SYTL1: variants seen among roughly 807,000 people sequenced by gnomAD.
The protein encoded by SYTL1 is synaptotagmin-like protein 1.
SYTL1 carries 53 observed loss-of-function variants against 74.6 expected under a neutral mutation model. The ratio of observed to expected loss-of-function variants is 0.71; its 90% confidence interval spans 0.57 to 0.89. The LOEUF (loss-of-function observed/expected upper bound fraction) is 0.89, where lower values mean the gene tolerates loss of function less well. Ranked by LOEUF, SYTL1 falls within the 40% of genes least tolerant of loss-of-function variation. The pLI, the probability that SYTL1 is intolerant of heterozygous loss-of-function variation, is 0.00. For synonymous variants in SYTL1, 329 were observed against 324.9 expected, an observed-to-expected ratio of 1.01 and a Z score of -0.14; for missense variants, 728 against 768.7, an observed-to-expected ratio of 0.95 and a Z score of 0.63.
Position 27,351,308 on chromosome 1 carries a change from C to T in SYTL1, c.1215C>T (p.Ser405=). ...DLPSRGLLAL[S]LKYVPAGSEG... ...CGAGCCGCGGGTTACTCGCCCTGTCCCTCAAGTACGTCCCCGCCGGCTCCG... is the reference window on the plus strand; with the variant it reads ...CGAGCCGCGGGTTACTCGCCCTGTCTCTCAAGTACGTCCCCGCCGGCTCCG... Residue 405 remains serine, a synonymous_variant, in exon 12 of 15, where the codon TCC becomes TCT. Transcript: ENST00000616558. The surrounding 1 kb of genome is among the most constrained non-coding windows in gnomAD (Gnocchi z 5.0). 1.3e-6 allele frequency: 2 copies of T among 1,563,016 alleles called. No homozygotes were observed. The highest frequency in any genetic ancestry group is 1.7e-6 in the Non-Finnish European group (2 of 1,154,172).
intron 14 of SYTL1, 22 bp downstream of exon 14, chr1:27,353,510 G>T: frequency 6.3e-7 from 1 of 1,582,232 alleles, no homozygotes; most frequent in East Asian, 2.3e-5. Flanking sequence ...AGCACCCTGA[G>T]ACAGGCCCTG....
chr1:27,350,103 GGCCGCCGCCCGGC>G lies in SYTL1; in HGVS notation c.888_900del (p.Arg298ThrfsTer20). On this transcript the variant is annotated frameshift_variant, in exon 9 of 15. Transcript: ENST00000616558. LOFTEE classifies it high-confidence loss of function. The surrounding 1 kb of genome is among the most constrained non-coding windows in gnomAD (Gnocchi z 6.3). ...TGCACGTGATCCAGTGCCAGGGCCT[GGCCGCCGCCCGGC>G]GCCGCCGCTCGGACCCGTGAGTGCC... 2.8e-6 allele frequency: 4 copies of G among 1,407,426 alleles called. No individual in the cohort carries two copies. The highest frequency in any genetic ancestry group is 3.7e-6 in the Non-Finnish European group (4 of 1,087,184). The allele number at this position is 1,407,426 out of a possible 1,614,324, so 87.2% of individuals were successfully genotyped here.
Position 27,353,880 on chromosome 1 carries a change from C to T in SYTL1, c.*28C>T. On this transcript the variant is annotated 3_prime_UTR_variant, in exon 15 of 15. Coordinates refer to ENST00000616558, the MANE Select transcript of SYTL1 (RefSeq NM_001193308.2). ...CCACCAAGCCTCTCTCTCTGGACCC[C>T]CATCTCAGGGCCTGCCCTTGGCTAA... The T allele has an allele frequency of 1.2e-6, 2 of 1,602,960 alleles. No homozygotes were observed. Among genetic ancestry groups the T allele is most frequent in the East Asian group, 4.5e-5 (2 of 44,694 alleles).
At position 27,350,942 on chromosome 1, in the gene SYTL1, T is replaced by G; in HGVS notation, c.1154T>G (p.Leu385Arg). ...DWGSEPTWLP[L>R]QPRVPPSPDD... ...GGCTCTGAGCCCACCTGGCTCCCCC[T>G]GCAGCCCCGGGTGAGGCAGCCAGGC... The change falls in exon 11 of 15, where the codon CTG (leucine) becomes CGG (arginine). Residue 385 changes from leucine to arginine, a missense_variant. Physicochemically the swap from Leu to Arg is moderately radical, Grantham distance 102. Transcript: ENST00000616558. This position sits in a 1 kb window ranked among gnomAD's most constrained non-coding sequence, Gnocchi z 6.3. 6.2e-7 allele frequency: 1 copy of G among 1,612,938 alleles called. No homozygotes were observed. Among genetic ancestry groups the G allele is most frequent in the East Asian group, 2.2e-5 (1 of 44,826 alleles).
Position 27,350,491 on chromosome 1 carries a change from G to A in SYTL1, c.1005+6G>A. On this transcript the variant is annotated splice_donor_region_variant and intron_variant, in intron 10 of 14. Transcript: ENST00000616558. This position sits in a 1 kb window ranked among gnomAD's most constrained non-coding sequence, Gnocchi z 6.3. ...TTTTCAACGAGACTCTCCGGGTGAG[G>A]CTGTGACCACGATGCGGTTCCCCGT... The A allele has an allele frequency of 6.2e-7, 1 of 1,609,470 alleles. No homozygotes were observed. The highest frequency in any genetic ancestry group is 1.1e-5 in the South Asian group (1 of 91,004).
rs1353132168 is a variant in SYTL1, at chr1:27,351,431, G to C, written c.1244-25G>C. The C allele has an allele frequency of 2.7e-6, 4 of 1,508,114 alleles. No individual in the cohort carries two copies. The highest frequency in any genetic ancestry group is 1.7e-4 in the Middle Eastern group (1 of 5,744). 93.4% of individuals were successfully genotyped at this position (1,508,114 alleles called of 1,614,324 possible). ...GGGGCGGTGGACTCCATCCGTGTGC[G>C]GGCCTGAGCCGAGCCTCTCCGCAGG... On this transcript the variant is annotated intron_variant, in intron 12 of 14. Coordinates refer to ENST00000616558, the MANE Select transcript of SYTL1 (RefSeq NM_001193308.2). The surrounding 1 kb of genome is among the most constrained non-coding windows in gnomAD (Gnocchi z 5.0).
At chr1:27,352,328 C>T (rs1465925840) in intron 13 of SYTL1, 1 of 151,608 alleles carries the variant, frequency 6.6e-6, no homozygotes, top group Non-Finnish European at 1.5e-5. Flanking sequence ...CAGAGCGAGA[C>T]TCGATCTCAA....
In SYTL1 at chr1:27,351,593, G is replaced by A; in HGVS notation, c.1343+38G>A. The A allele has an allele frequency of 7.3e-7, 1 of 1,370,606 alleles. No homozygotes were observed. The highest frequency in any genetic ancestry group is 9.9e-7 in the Non-Finnish European group (1 of 1,010,414). The allele number at this position is 1,370,606 out of a possible 1,614,324, so 84.9% of individuals were successfully genotyped here. A position where few individuals can be genotyped will look rare whatever the true frequency, so the allele number is the denominator to read the frequency against. ...GGCCCTCCGGGCTTCCCATTCTTTT[G>A]CCTGCAGTGGAGTGCCCAACCTCCA... On this transcript the variant is annotated intron_variant, in intron 13 of 14. Coordinates refer to ENST00000616558, the MANE Select transcript of SYTL1 (RefSeq NM_001193308.2). This position sits in a 1 kb window ranked among gnomAD's most constrained non-coding sequence, Gnocchi z 5.0.
Position 27,347,948 on chromosome 1 carries a change from G to T in SYTL1, c.414-19G>T. 6.2e-7 allele frequency: 1 copy of T among 1,614,110 alleles called. No homozygotes were observed. The highest frequency in any genetic ancestry group is 8.5e-7 in the Non-Finnish European group (1 of 1,179,964). ...CACCAGGGTCCCTCCCTCTGAGAGC[G>T]TCCTCTCCCTACTCCTAGGCTCACC... On this transcript the variant is annotated intron_variant, in intron 4 of 14. Transcript: ENST00000616558. The surrounding 1 kb of genome is among the most constrained non-coding windows in gnomAD (Gnocchi z 4.9).
Position 27,351,423 on chromosome 1 carries a change from C to T in SYTL1, c.1244-33C>T. 1 of 1,507,520 alleles carries T rather than the reference C, an allele frequency of 6.6e-7. No individual in the cohort carries two copies. The highest frequency in any genetic ancestry group is 1.3e-5 in the South Asian group (1 of 78,390). 93.4% of individuals were successfully genotyped at this position (1,507,520 alleles called of 1,614,324 possible). A position where few individuals can be genotyped will look rare whatever the true frequency, so the allele number is the denominator to read the frequency against. On this transcript the variant is annotated intron_variant, in intron 12 of 14. Coordinates refer to ENST00000616558, the MANE Select transcript of SYTL1 (RefSeq NM_001193308.2). This position sits in a 1 kb window ranked among gnomAD's most constrained non-coding sequence, Gnocchi z 5.0. ...CGGGTTTGGGGGCGGTGGACTCCAT[C>T]CGTGTGCGGGCCTGAGCCGAGCCTC...
chr1:27,350,425 C>G lies in SYTL1; in HGVS notation c.945C>G (p.Ser315Arg). Residue 315 changes from serine (S) to arginine (R), a missense_variant, in exon 10 of 15, where the codon AGC becomes AGG. By Grantham distance (110) the Ser-to-Arg change is moderately radical. Coordinates refer to ENST00000616558, the MANE Select transcript of SYTL1 (RefSeq NM_001193308.2). This position sits in a 1 kb window ranked among gnomAD's most constrained non-coding sequence, Gnocchi z 6.3. ...VKSYLLPDKQ[S>R]KRKTAVKKRN... Reference sequence around the variant, plus strand: ...GCTACCTCCTCCCGGATAAGCAGAGCAAGCGCAAGACGGCGGTGAAGAAAC... The same window carrying G: ...GCTACCTCCTCCCGGATAAGCAGAGGAAGCGCAAGACGGCGGTGAAGAAAC... 6.2e-7 allele frequency: 1 copy of G among 1,614,134 alleles called. No homozygotes were observed. Among genetic ancestry groups the G allele is most frequent in the Non-Finnish European group, 8.5e-7 (1 of 1,179,998 alleles).
chr1:27,350,277 A>C lies in SYTL1; in HGVS notation c.909-112A>C, dbSNP rs2015205307. ...CGATTAAGCGAGACAATCCCTGTAA[A>C]GCGCTTAGCACGAGGCCTGGCACGT... On this transcript the variant is annotated intron_variant, in intron 9 of 14. Coordinates refer to ENST00000616558, the MANE Select transcript of SYTL1 (RefSeq NM_001193308.2). The surrounding 1 kb of genome is among the most constrained non-coding windows in gnomAD (Gnocchi z 6.3). 3.4e-6 allele frequency: 5 copies of C among 1,483,958 alleles called. No homozygotes were observed. The African/African-American group carries it at 5.5e-5, about 16-fold the overall frequency. 91.9% of individuals were successfully genotyped at this position (1,483,958 alleles called of 1,614,324 possible).
rs756902830 is a variant in SYTL1, at chr1:27,347,617, G to A, written c.340+48G>A. On this transcript the variant is annotated intron_variant, in intron 3 of 14. Coordinates refer to ENST00000616558, the MANE Select transcript of SYTL1 (RefSeq NM_001193308.2). This position sits in a 1 kb window ranked among gnomAD's most constrained non-coding sequence, Gnocchi z 4.9. ...GGGCAAGCCATGTGCCGTCCAGGGCGCTGGCTGTATGTGGACAGGGAGAGA... is the reference window on the plus strand; with the variant it reads ...GGGCAAGCCATGTGCCGTCCAGGGCACTGGCTGTATGTGGACAGGGAGAGA... 7 of 1,600,546 alleles carry A rather than the reference G, an allele frequency of 4.4e-6. No individual in the cohort carries two copies. The South Asian group carries it at 4.5e-5, about 10-fold the overall frequency.
Position 27,345,124 on chromosome 1 carries a change from G to A in SYTL1, c.-38-173G>A. 2 of 437,512 alleles carry A rather than the reference G, an allele frequency of 4.6e-6. No homozygotes were observed. The highest frequency in any genetic ancestry group is 8.1e-6 in the Non-Finnish European group (2 of 246,582). 27.1% of individuals were successfully genotyped at this position (437,512 alleles called of 1,614,324 possible). ...CCACTGTGTCTCCAAGTGTGTTCAA[G>A]GGCTAGTGTATGCATGTGTGCATGA... On this transcript the variant is annotated intron_variant, in intron 1 of 14. Transcript: ENST00000616558. This position sits in a 1 kb window ranked among gnomAD's most constrained non-coding sequence, Gnocchi z 6.0.
chr1:27,351,148 T>A lies in SYTL1; in HGVS notation c.1165-110T>A. On this transcript the variant is annotated intron_variant, in intron 11 of 14. Transcript: ENST00000616558. This position sits in a 1 kb window ranked among gnomAD's most constrained non-coding sequence, Gnocchi z 5.0. ...CGCTAGGACCCCTAGGTTCTGCCCC[T>A]GCAGGCCCCGCCGTCTCTTCTAGCC... The A allele has an allele frequency of 1.4e-6, 2 of 1,396,176 alleles. No homozygotes were observed. Among genetic ancestry groups the A allele is most frequent in the Non-Finnish European group, 1.9e-6 (2 of 1,029,066 alleles). 86.5% of individuals were successfully genotyped at this position (1,396,176 alleles called of 1,614,324 possible). A position where few individuals can be genotyped will look rare whatever the true frequency, so the allele number is the denominator to read the frequency against.
chr1:27,347,430 G>A lies in SYTL1; in HGVS notation c.201G>A (p.Arg67=), dbSNP rs766355030. 13 of 1,613,936 alleles carry A rather than the reference G, an allele frequency of 8.1e-6. No homozygotes were observed. The highest frequency in any genetic ancestry group is 1.1e-5 in the Non-Finnish European group (13 of 1,180,042). The part of the protein sequence containing the change: ...QLEEGRVSKL[R]ASVADPGQLK... ...CTCCCCCTTCCTCCAGCAAGCTCCG[G>A]GCCTCAGTGGCAGACCCTGGGCAGC... The change falls in exon 3 of 15, where the codon CGG becomes CGA. Residue 67 remains arginine (R), a synonymous_variant. Coordinates refer to ENST00000616558, the MANE Select transcript of SYTL1 (RefSeq NM_001193308.2). The surrounding 1 kb of genome is among the most constrained non-coding windows in gnomAD (Gnocchi z 4.9).
In SYTL1 at chr1:27,347,474, A is replaced by G; in HGVS notation, c.245A>G (p.Asp82Gly). The change falls in exon 3 of 15, where the codon GAC (aspartate) becomes GGC (glycine). Residue 82 changes from aspartate to glycine, a missense_variant. By Grantham distance (94) the Asp-to-Gly change is moderately conservative. Transcript: ENST00000616558. This position sits in a 1 kb window ranked among gnomAD's most constrained non-coding sequence, Gnocchi z 4.9. ...GGGCAGCTGAAGATCCTGACAGGGG[A>G]CTGGTTCCAGGAAGCACGCTCCCAG... ...DPGQLKILTG[D>G]WFQEARSQRH... The G allele has an allele frequency of 6.2e-7, 1 of 1,614,078 alleles. No individual in the cohort carries two copies. The highest frequency in any genetic ancestry group is 8.5e-7 in the Non-Finnish European group (1 of 1,180,042).
chr1:27,347,361 T>C lies in SYTL1; in HGVS notation c.192-60T>C. 6.2e-7 allele frequency: 1 copy of C among 1,610,412 alleles called. No individual in the cohort carries two copies. The highest frequency in any genetic ancestry group is 8.5e-7 in the Non-Finnish European group (1 of 1,177,580). On this transcript the variant is annotated intron_variant, in intron 2 of 14. Transcript: ENST00000616558. This position sits in a 1 kb window ranked among gnomAD's most constrained non-coding sequence, Gnocchi z 4.9. The stretch of plus-strand genomic sequence containing the variant: ...CCTGGTCCCAAGCCTGTTAACAATG[T>C]AGGTGGCGGGAATGTTGCTTGGGTG...
rs138409910 is a variant in SYTL1 at position 27,342,707 on chromosome 1, G to C, written c.-39+557G>C. Among the ~76,000 whole-genome samples the C allele has an allele frequency of 5.0e-4, 76 of 152,278 alleles. No homozygotes were observed. Among genetic ancestry groups the C allele is most frequent in the Middle Eastern group, 3.4e-3 (1 of 294 alleles). ...TATAGTCACCATGCAGCATCACACT[G>C]CAACAGGACACAAAGACACACAGCA... is the stretch of plus-strand genomic sequence containing the variant. On this transcript the variant is annotated intron_variant, in intron 1 of 14. Coordinates refer to ENST00000616558, the MANE Select transcript of SYTL1 (RefSeq NM_001193308.2). This position sits in a 1 kb window ranked among gnomAD's most constrained non-coding sequence, Gnocchi z 4.7.
Sources: allele counts gnomAD v4.1 joint callset (sites outside exome capture counted in the v4.1 genomes callset), GRCh38; gene constraint gnomAD v4.1.1; non-coding constraint Gnocchi (gnomAD v3.1); transcripts MANE v1.5; gene names NCBI Gene and HGNC (gene_info 2026-07-23, HGNC 2026-07-21).